The following FRY variants were observed in gnomAD, a reference collection of about 807,000 sequenced individuals.
FRY encodes FRY microtubule binding protein.
FRY carries 128 observed loss-of-function variants against 348.4 expected under a neutral mutation model. That is an observed-to-expected ratio of 0.37 (90% CI 0.32 to 0.43). The LOEUF is 0.43. FRY is among the 20% of genes least tolerant of loss of function. The probability of loss-of-function intolerance (pLI) is 1.00; values close to 1 mark genes in which losing one functional copy is unlikely to be tolerated. For synonymous variants in FRY, 1,370 were observed against 1,374.7 expected, an observed-to-expected ratio of 1.00 and a Z score of 0.08; for missense variants, 2,736 against 3,695.2, an observed-to-expected ratio of 0.74 and a Z score of 6.73.
rs1347738160 is a variant in FRY, at chr13:32,147,926, A to G, written c.1371A>G (p.Lys457=). The change falls in exon 13 of 61, where the codon AAA becomes AAG. Residue 457 remains lysine, a synonymous_variant. Coordinates refer to ENST00000542859, the MANE Select transcript of FRY (RefSeq NM_023037.3). ...PRDMPLNIFV[K]IIQFIAQERL... is the part of the protein sequence containing the mutation. The stretch of plus-strand genomic sequence containing the variant: ...ACATGCCTCTGAACATCTTTGTGAA[A>G]ATCATCCAGTTCATTGCCCAGGTAA... 1 of 1,599,902 alleles carries G rather than the reference A, an allele frequency of 6.3e-7. No homozygotes were observed. Among genetic ancestry groups the G allele is most frequent in the Non-Finnish European group, 8.6e-7 (1 of 1,166,930 alleles).
intron 28 of FRY, among the ~76,000 whole-genome samples, chr13:32,190,445 A>G (rs1369981560): frequency 6.6e-6 from 1 of 152,180 alleles, no homozygotes; most frequent in African/African-American, 2.4e-5. Context: ...GTTGGAATTA[A>G]TCAGTGAATT....
intron 14 of FRY, among the ~76,000 whole-genome samples, chr13:32,150,550 G>C (rs204560): frequency 0.76 from 115,602 of 152,082 alleles, 44,689 homozygotes; most frequent in East Asian, 0.98. Flanking sequence ...TCTATGAACT[G>C]CAGCTTTTTC....
chr13:32,281,118 A>G (rs1888788016), intron 58 of FRY, among the ~76,000 whole-genome samples: 1 of 152,220 alleles, frequency 6.6e-6, no homozygotes, highest in South Asian at 2.1e-4. Context: ...CTCAAAAAAT[A>G]GAGTTCACCT....
intron 8 of FRY, 70 bp from the exon 9 acceptor site, chr13:32,134,834 T>C (rs1475395607): frequency 1.1e-6 from 1 of 934,024 alleles, no homozygotes; most frequent in Non-Finnish European, 1.8e-6. Flanking sequence ...TTACTGAAAC[T>C]TGTTTAAATA....
At chr13:32,054,777 A>G (rs1873532431) in intron 1 of FRY, among the ~76,000 whole-genome samples, 1 of 152,186 alleles carries the variant, frequency 6.6e-6, no homozygotes, top group African/African-American at 2.4e-5. Flanking sequence ...CGGGAGGCTG[A>G]GGCAGGAGAA....
chr13:32,131,581 G>A (rs537785569), intron 7 of FRY, 91 bp from the exon 8 acceptor site: 1 of 854,418 alleles, frequency 1.2e-6, no homozygotes, highest in South Asian at 1.4e-5. Flanking sequence ...GGATTCCATT[G>A]CTCTGCTCAA....
chr13:32,267,849 G>A (rs535984942), intron 55 of FRY, among the ~76,000 whole-genome samples: 95 of 152,282 alleles, frequency 6.2e-4, no homozygotes, highest in African/African-American at 2.1e-3. Flanking sequence ...TGCTGTTGTA[G>A]CAGGTTGCTG....
At chr13:32,080,435 G>C (rs78811151) in intron 2 of FRY, among the ~76,000 whole-genome samples, 2,142 of 152,294 alleles carry the variant, frequency 0.014, 50 homozygotes, top group African/African-American at 0.049. Context: ...CACAGAGAAA[G>C]TTAAGTAAAT....
At chr13:32,180,577 C>T (rs1019483078) in intron 23 of FRY, among the ~76,000 whole-genome samples, 3 of 152,090 alleles carry the variant, frequency 2.0e-5, no homozygotes, top group Non-Finnish European at 4.4e-5. Context: ...CTTAATGTAA[C>T]CATATACCTG....
chr13:32,070,488 C>T (rs935894448), intron 1 of FRY, among the ~76,000 whole-genome samples: 4 of 151,468 alleles, frequency 2.6e-5, no homozygotes, highest in Non-Finnish European at 5.9e-5. Context: ...CATTTTTTCA[C>T]GTCTGTTGGC....
At chr13:32,096,539 C>G (rs1380571054) in intron 2 of FRY, among the ~76,000 whole-genome samples, 3 of 152,082 alleles carry the variant, frequency 2.0e-5, no homozygotes, top group Non-Finnish European at 4.4e-5. Context: ...GCCTGTAATC[C>G]TAGCAGTTTG....
At position 32,208,980 on chromosome 13, in the gene FRY, C is replaced by A; in HGVS notation, c.4146C>A (p.Ser1382Arg). The A allele has an allele frequency of 6.2e-7, 1 of 1,614,158 alleles. No individual in the cohort carries two copies. The highest frequency in any genetic ancestry group is 1.1e-5 in the South Asian group (1 of 91,080). The stretch of plus-strand genomic sequence containing the variant: ...TCCTCCTCCCGGGGTCGAGCCCCAG[C>A]AGCCCAGAGGACGAAGTCAAGGACC... ...SRLLLPGSSP[S>R]SPEDEVKDRE... The change falls in exon 32 of 61, where the codon AGC (serine) becomes AGA (arginine). Residue 1382 changes from serine (S) to arginine (R), a missense_variant. By Grantham distance (110) the Ser-to-Arg change is moderately radical. Coordinates refer to ENST00000542859, the MANE Select transcript of FRY (RefSeq NM_023037.3).
intron 36 of FRY, among the ~76,000 whole-genome samples, chr13:32,222,329 T>C (rs1885360286): frequency 6.6e-6 from 1 of 152,034 alleles, no homozygotes; most frequent in African/African-American, 2.4e-5. Context: ...TGTAAGGCCT[T>C]AAAGGCCACG....
intron 3 of FRY, among the ~76,000 whole-genome samples, chr13:32,108,321 T>C (rs190502729): frequency 2.1e-4 from 32 of 152,300 alleles, no homozygotes; most frequent in African/African-American, 6.7e-4. Flanking sequence ...GTAGAATCGA[T>C]AGGATTTGCT....
intron 2 of FRY, among the ~76,000 whole-genome samples, chr13:32,087,249 A>T (rs185349172): frequency 3.3e-5 from 5 of 152,342 alleles, no homozygotes; most frequent in Admixed American, 2.0e-4. Flanking sequence ...CAGCCGGCAC[A>T]AACACTGAAA....
At chr13:32,069,318 C>A (rs564098938) in intron 1 of FRY, among the ~76,000 whole-genome samples, 4 of 152,074 alleles carry the variant, frequency 2.6e-5, no homozygotes, top group Admixed American at 6.6e-5. Context: ...GAGGGAGAGA[C>A]CTTCATGGCC....
At chr13:32,283,876 G>T (rs1431993761) in intron 58 of FRY, among the ~76,000 whole-genome samples, 1 of 152,188 alleles carries the variant, frequency 6.6e-6, no homozygotes, top group Non-Finnish European at 1.5e-5. Context: ...CTTAAAATCA[G>T]CATTTCCAAC....
Position 32,225,963 on chromosome 13 carries a change from A to ATC in FRY, c.5199_5200dup (p.Tyr1734SerfsTer9), listed in dbSNP as rs1885556685. 6.2e-7 allele frequency: 1 copy of ATC among 1,613,790 alleles called. No homozygotes were observed. Among genetic ancestry groups the ATC allele is most frequent in the Non-Finnish European group, 8.5e-7 (1 of 1,179,834 alleles). On this transcript the variant is annotated frameshift_variant, in exon 39 of 61. Coordinates refer to ENST00000542859, the MANE Select transcript of FRY (RefSeq NM_023037.3). LOFTEE classifies it high-confidence loss of function. ...GTGCAGCCAGCCTACCAACCTGAAT[A>ATC]TCTCTATACAGGTAACAGAGAAGGA...
intron 36 of FRY, among the ~76,000 whole-genome samples, chr13:32,219,092 CTTT>C (rs35364945): frequency 7.2e-6 from 1 of 137,998 alleles, no homozygotes. Flanking sequence ...TATATATATA[CTTT>C]TTTTTTTTTT....
Sources: allele counts gnomAD v4.1 joint callset (sites outside exome capture counted in the v4.1 genomes callset), GRCh38; gene constraint gnomAD v4.1.1; transcripts MANE v1.5; gene names NCBI Gene and HGNC (gene_info 2026-07-23, HGNC 2026-07-21).